The following CERS3 variants were observed in gnomAD, a reference collection of about 807,000 sequenced individuals.
CERS3 encodes LAG1 homolog, ceramide synthase 3.
A neutral mutation model predicts 50.3 loss-of-function variants in CERS3; 33 were observed. That is an observed-to-expected ratio of 0.66 (90% CI 0.50 to 0.88). The LOEUF (loss-of-function observed/expected upper bound fraction) is 0.88, where lower values mean the gene tolerates loss of function less well. Among genes scored for constraint, CERS3 ranks in the 40% least tolerant of loss-of-function variants. The probability of loss-of-function intolerance (pLI) is 0.00; values close to 1 mark genes in which losing one functional copy is unlikely to be tolerated. For synonymous variants in CERS3, 176 were observed against 155.2 expected (o/e 1.13, Z -0.99); for missense variants, 470 against 460.3 (o/e 1.02, Z -0.19).
At chr15:100,463,435 GAA>G (rs71151951) in intron 10 of CERS3, among the ~76,000 whole-genome samples, 4 of 92,650 alleles carry the variant, frequency 4.3e-5, no homozygotes, top group Middle Eastern at 7.2e-3. Context: ...CTCTGTCTCA[GAA>G]AAAAAAAAAA....
chr15:100,452,158 T>A (rs964819918), intron 11 of CERS3, among the ~76,000 whole-genome samples: 4 of 150,520 alleles, frequency 2.7e-5, no homozygotes, highest in African/African-American at 1.0e-4. Flanking sequence ...TTTCATCCAA[T>A]GGCTATAGAA....
chr15:100,494,968 G>T (rs1008235916), intron 3 of CERS3, among the ~76,000 whole-genome samples: 4 of 152,108 alleles, frequency 2.6e-5, no homozygotes, highest in African/African-American at 7.2e-5. Context: ...TTTATTGTTT[G>T]CCCTAATTGT....
intron 10 of CERS3, among the ~76,000 whole-genome samples, chr15:100,467,657 G>A (rs1169913096): frequency 6.6e-6 from 1 of 151,194 alleles, no homozygotes; most frequent in African/African-American, 2.4e-5. Context: ...GGCAAATGCT[G>A]GATTGATAGT....
intron 7 of CERS3, 131 bp downstream of exon 7, chr15:100,479,297 C>T (rs527435501): frequency 1.7e-6 from 1 of 597,886 alleles, no homozygotes; most frequent in Non-Finnish European, 2.9e-6. Flanking sequence ...TAAGGAAGCT[C>T]AAGTAGAAAA....
intron 4 of CERS3, 45 bp from the exon 5 acceptor site, chr15:100,484,713 C>T: frequency 7.4e-7 from 1 of 1,358,550 alleles, no homozygotes; most frequent in Non-Finnish European, 1.1e-6. Context: ...AGAACAGAGT[C>T]AGACTGGCAG....
intron 11 of CERS3, among the ~76,000 whole-genome samples, chr15:100,405,456 C>A (rs966931921): frequency 6.6e-6 from 1 of 152,068 alleles, no homozygotes; most frequent in Non-Finnish European, 1.5e-5. Flanking sequence ...CAAGCACTGA[C>A]AAGGACGCAA....
intron 11 of CERS3, among the ~76,000 whole-genome samples, chr15:100,441,331 G>A (rs983276239): frequency 8.2e-6 from 1 of 122,338 alleles, no homozygotes; most frequent in Admixed American, 9.2e-5. Flanking sequence ...TCTGTGCCCC[G>A]ATCCCTTATT....
chr15:100,539,274 C>T (rs1413851002), intron 1 of CERS3, among the ~76,000 whole-genome samples: 1 of 152,208 alleles, frequency 6.6e-6, no homozygotes, highest in Non-Finnish European at 1.5e-5. Flanking sequence ...AGTGTTCCAA[C>T]CCCTGCCTGC....
At chr15:100,418,058 G>A (rs1235391645) in intron 11 of CERS3, among the ~76,000 whole-genome samples, 2 of 152,086 alleles carry the variant, frequency 1.3e-5, no homozygotes, top group Non-Finnish European at 2.9e-5. Flanking sequence ...TTCCTCACCA[G>A]CAACGGAACA....
chr15:100,479,837 C>A, intron 6 of CERS3, 152 bp downstream of exon 6: 2 of 655,162 alleles, frequency 3.1e-6, no homozygotes, highest in Non-Finnish European at 5.4e-6. Context: ...CTTGAGACAT[C>A]TGTAGCAATA....
intron 11 of CERS3, among the ~76,000 whole-genome samples, chr15:100,422,826 A>G (rs1420344620): frequency 6.9e-6 from 1 of 143,988 alleles, no homozygotes; most frequent in Non-Finnish European, 1.5e-5. Context: ...TCAGTAAACT[A>G]TCGCAAGAAC....
chr15:100,487,674 C>G (rs2035528760), intron 4 of CERS3, among the ~76,000 whole-genome samples: 1 of 152,176 alleles, frequency 6.6e-6, no homozygotes, highest in Non-Finnish European at 1.5e-5. Flanking sequence ...GAGACCTGGC[C>G]TCTGGACTGA....
At chr15:100,472,848 C>T in intron 9 of CERS3, 76 bp downstream of exon 9, 5 of 1,575,992 alleles carry the variant, frequency 3.2e-6, no homozygotes, top group Non-Finnish European at 4.4e-6. Context: ...CTAAATTGCT[C>T]ACAATTACTT....
chr15:100,523,968 T>A (rs1397141791), intron 1 of CERS3, among the ~76,000 whole-genome samples: 1 of 152,202 alleles, frequency 6.6e-6, no homozygotes, highest in Non-Finnish European at 1.5e-5. Flanking sequence ...GAATCAAGAC[T>A]CATTTATTTG....
intron 3 of CERS3, among the ~76,000 whole-genome samples, chr15:100,497,886 CACACACACACTTTTTTT>C (rs1408290530): frequency 1.9e-5 from 2 of 103,616 alleles, no homozygotes; most frequent in African/African-American, 7.8e-5. Flanking sequence ...CACACACACA[CACACACACACTTTTTTT>C]TTTTTTTTTG....
chr15:100,528,392 C>A (rs2036854563), intron 1 of CERS3, among the ~76,000 whole-genome samples: 1 of 152,210 alleles, frequency 6.6e-6, no homozygotes, highest in Non-Finnish European at 1.5e-5. Flanking sequence ...TGACCCCTTT[C>A]ATTCCACCTG....
At chr15:100,489,927 C>T (rs2035602589) in intron 4 of CERS3, among the ~76,000 whole-genome samples, 1 of 152,182 alleles carries the variant, frequency 6.6e-6, no homozygotes, top group African/African-American at 2.4e-5. Flanking sequence ...GCAGAGAAAC[C>T]ACGAGGAACA....
At chr15:100,451,528 C>A (rs907697055) in intron 11 of CERS3, among the ~76,000 whole-genome samples, 3 of 152,024 alleles carry the variant, frequency 2.0e-5, no homozygotes, top group Non-Finnish European at 2.9e-5. Context: ...ATGGTGAAAC[C>A]CTGTCTCTAC....
chr15:100,537,457 G>A (rs2037101802), intron 1 of CERS3, among the ~76,000 whole-genome samples: 2 of 152,308 alleles, frequency 1.3e-5, no homozygotes, highest in African/African-American at 4.8e-5. Context: ...AAGCAAAGAG[G>A]TTTAACTGAC....
Sources: allele counts gnomAD v4.1 joint callset (sites outside exome capture counted in the v4.1 genomes callset), GRCh38; gene constraint gnomAD v4.1.1; transcripts MANE v1.5; gene names NCBI Gene and HGNC (gene_info 2026-07-23, HGNC 2026-07-21).